Variants in RNF13 observed in about 807,000 individuals in gnomAD.
RNF13 encodes the protein E3 ubiquitin-protein ligase RNF13.
RNF13 carries 19 observed loss-of-function variants against 37.7 expected under a neutral mutation model. That is an observed-to-expected ratio of 0.50 (90% CI 0.35 to 0.74). RNF13 has a LOEUF of 0.74. Ranked by LOEUF, RNF13 falls within the 30% of genes least tolerant of loss-of-function variation. The pLI is 0.01. For missense variants in RNF13, 375 were observed against 453.0 expected, an observed-to-expected ratio of 0.83 and a Z score of 1.56; for synonymous variants, 144 against 157.8, an observed-to-expected ratio of 0.91 and a Z score of 0.65.
chr3:149,842,801 C>A (rs760152057), intron 1 of RNF13, among the ~76,000 whole-genome samples: 1 of 151,910 alleles, frequency 6.6e-6, no homozygotes, highest in Admixed American at 6.6e-5. Flanking sequence ...AAACAAATTA[C>A]GTATGGAAAC....
Position 149,869,421 on chromosome 3 carries a change from C to T in RNF13, c.196-2608C>T, listed in dbSNP as rs1051652183. 2.3e-4 allele frequency among the ~76,000 whole-genome samples: 35 copies of T among 151,382 alleles called. 1 individual carries two copies. The highest frequency in any genetic ancestry group is 9.2e-4 in the Admixed American group (14 of 15,238). On this transcript the variant is annotated intron_variant, in intron 3 of 9. Coordinates refer to ENST00000392894, the MANE Select transcript of RNF13 (RefSeq NM_183381.3). ...GAGATCGAGACCATCCCGGCTAAAA[C>T]GGTGAAACCCCGTCTCTACTAAAAA... is the stretch of plus-strand genomic sequence containing the variant.
intron 3 of RNF13, among the ~76,000 whole-genome samples, chr3:149,862,410 C>A (rs1724351042): frequency 6.6e-6 from 1 of 151,986 alleles, no homozygotes; most frequent in Non-Finnish European, 1.5e-5. Context: ...TGTTCCCTTA[C>A]CTCGCTCCTT....
At chr3:149,893,942 G>GT (rs1462657525) in intron 4 of RNF13, 1 of 152,058 alleles carries the variant, frequency 6.6e-6, no homozygotes, top group Non-Finnish European at 1.5e-5. Flanking sequence ...ATTTTAATTA[G>GT]TTTTTTAAAA....
Position 149,910,262 on chromosome 3 carries a change from CCTG to C in RNF13, c.501-1706_501-1704del, listed in dbSNP as rs202009687. 4.3e-3 allele frequency among the ~76,000 whole-genome samples: 654 copies of C among 152,202 alleles called. 5 individuals carry two copies. The highest frequency in any genetic ancestry group is 0.015 in the African/African-American group (609 of 41,510). On this transcript the variant is annotated intron_variant, in intron 6 of 9. Transcript: ENST00000392894. The stretch of plus-strand genomic sequence containing the variant: ...TGGTATCAAATAGAGCAGCTTAGGC[CCTG>C]CTGCTGCTGATTTTCTTTTTTACAC...
chr3:149,854,036 A>C (rs922770400), intron 3 of RNF13, among the ~76,000 whole-genome samples: 1 of 151,734 alleles, frequency 6.6e-6, no homozygotes, highest in African/African-American at 2.4e-5. Context: ...GGGTTTCGCC[A>C]TGTTGCCCAG....
chr3:149,839,690 A>T (rs1206401785), intron 1 of RNF13, among the ~76,000 whole-genome samples: 1 of 151,824 alleles, frequency 6.6e-6, no homozygotes, highest in African/African-American at 2.4e-5. Context: ...ACACCTGGGA[A>T]TTCAAGATGT....
intron 1 of RNF13, among the ~76,000 whole-genome samples, chr3:149,815,200 AACTT>A (rs1207048525): frequency 6.6e-6 from 1 of 152,212 alleles, no homozygotes; most frequent in Admixed American, 6.5e-5. Context: ...TACAGGCACT[AACTT>A]TAGCTAAGTG....
At chr3:149,864,280 T>G (rs1331658611) in intron 3 of RNF13, among the ~76,000 whole-genome samples, 1 of 152,002 alleles carries the variant, frequency 6.6e-6, no homozygotes, top group Admixed American at 6.6e-5. Flanking sequence ...TTCTCCTCTT[T>G]CATCATGTGA....
intron 8 of RNF13, among the ~76,000 whole-genome samples, chr3:149,941,608 C>T (rs972728030): frequency 1.3e-5 from 2 of 149,484 alleles, no homozygotes; most frequent in Non-Finnish European, 1.5e-5. Context: ...AAATCAGATA[C>T]ATGTGTTGCA....
chr3:149,897,629 C>T (rs1279090317), intron 5 of RNF13, among the ~76,000 whole-genome samples: 1 of 151,882 alleles, frequency 6.6e-6, no homozygotes, highest in Non-Finnish European at 1.5e-5. Flanking sequence ...TGATATTTTG[C>T]TCCATCTTTG....
intron 1 of RNF13, among the ~76,000 whole-genome samples, chr3:149,816,920 A>G (rs988582297): frequency 2.0e-5 from 3 of 152,322 alleles, no homozygotes; most frequent in African/African-American, 7.2e-5. Flanking sequence ...AATGACATTG[A>G]CACTGGGAAC....
intron 3 of RNF13, among the ~76,000 whole-genome samples, chr3:149,861,583 T>G (rs1724259542): frequency 6.6e-6 from 1 of 152,034 alleles, no homozygotes; most frequent in African/African-American, 2.4e-5. Flanking sequence ...AAGTTGATCT[T>G]ATGGAGGTTG....
chr3:149,850,080 A>C (rs1258849549), intron 2 of RNF13, among the ~76,000 whole-genome samples: 2 of 152,008 alleles, frequency 1.3e-5, no homozygotes, highest in East Asian at 1.9e-4. Context: ...CCTGGATTCA[A>C]GCGACTCTCC....
chr3:149,868,155 AT>A (rs1399941495), intron 3 of RNF13, among the ~76,000 whole-genome samples: 1 of 151,352 alleles, frequency 6.6e-6, no homozygotes, highest in African/African-American at 2.4e-5. Flanking sequence ...TGTAGCTATA[AT>A]TTTTTTTGTT....
intron 1 of RNF13, among the ~76,000 whole-genome samples, chr3:149,844,104 T>C (rs1184081235): frequency 2.0e-5 from 3 of 152,234 alleles, no homozygotes; most frequent in Non-Finnish European, 4.4e-5. Context: ...TTCTTCCTAC[T>C]AAAATTTAAT....
At position 149,872,173 on chromosome 3, in the gene RNF13, A is replaced by C. The variant is rs1479207199; in HGVS notation, c.321+19A>C. ...TATAAAGGTATGATTATCTTTTTTC[A>C]TTTTTTGTTTCCTATTTGTTCAGTT... On this transcript the variant is annotated intron_variant, in intron 4 of 9. Transcript: ENST00000392894. The C allele has an allele frequency of 6.7e-7, 1 of 1,488,484 alleles. No individual in the cohort carries two copies. The highest frequency in any genetic ancestry group is 9.1e-7 in the Non-Finnish European group (1 of 1,097,922). 92.2% of individuals were successfully genotyped at this position (1,488,484 alleles called of 1,614,324 possible).
chr3:149,900,842 CGTGT>C (rs142772347), intron 5 of RNF13, among the ~76,000 whole-genome samples: 8 of 150,136 alleles, frequency 5.3e-5, no homozygotes, highest in African/African-American at 2.0e-4. Context: ...CGCATGTGTG[CGTGT>C]GTGTGTGTGT....
rs75505162 is a variant in RNF13, at chr3:149,877,887, A to C, written c.321+5733A>C. ...CTTTGTGCTGCTAATTCATTCATTC[A>C]TTTGTTCATTCATTTCTTCCACCCT... is the stretch of plus-strand genomic sequence containing the variant. On this transcript the variant is annotated intron_variant, in intron 4 of 9. Transcript: ENST00000392894. 6.9e-3 allele frequency among the ~76,000 whole-genome samples: 1,053 copies of C among 152,156 alleles called. 9 individuals are homozygous for C. Among genetic ancestry groups the C allele is most frequent in the Admixed American group, 8.8e-3 (134 of 15,286 alleles).
chr3:149,875,877 A>G (rs532205198), intron 4 of RNF13, among the ~76,000 whole-genome samples: 1 of 1,926 alleles, frequency 5.2e-4, no homozygotes, highest in Non-Finnish European at 8.8e-4. Flanking sequence ...TCTTTGTATG[A>G]TGCTGTTCTT....
Sources: allele counts gnomAD v4.1 joint callset (sites outside exome capture counted in the v4.1 genomes callset), GRCh38; gene constraint gnomAD v4.1.1; transcripts MANE v1.5; gene names NCBI Gene and HGNC (gene_info 2026-07-23, HGNC 2026-07-21).